Variants in SCN2A observed in about 807,000 individuals in gnomAD.
SCN2A encodes the protein sodium channel protein type 2 subunit alpha.
In SCN2A, 20 loss-of-function variants were observed where a neutral mutation model predicts 188.7. That is an observed-to-expected ratio of 0.11 (90% CI 0.07 to 0.15). The LOEUF (loss-of-function observed/expected upper bound fraction) is 0.15. Ranked by LOEUF, SCN2A falls within the 10% of genes least tolerant of loss-of-function variation. SCN2A has a pLI of 1.00. For synonymous variants in SCN2A, 804 were observed against 833.1 expected (o/e 0.97, Z 0.60); for missense variants, 1,278 against 2,445.0 (o/e 0.52, Z 10.07).
intron 13 of SCN2A, among the ~76,000 whole-genome samples, chr2:165,329,917 G>C (rs1169555802): frequency 6.6e-6 from 1 of 152,096 alleles, no homozygotes; most frequent in Admixed American, 6.6e-5. Flanking sequence ...GGCACTTGAA[G>C]AATTTCAATA....
Position 165,389,652 on chromosome 2 carries a change from C to A in SCN2A, c.5846C>A (p.Thr1949Asn). The change falls in exon 27 of 27, where the codon ACT becomes AAT. Residue 1949 changes from threonine to asparagine, a missense_variant. This residue lies in a region of SCN2A where 109 missense variants were observed against 137.9 expected (regional missense o/e 0.79). Coordinates refer to ENST00000375437, the MANE Select transcript of SCN2A (RefSeq NM_001040142.2). The surrounding 1 kb of genome is among the most constrained non-coding windows in gnomAD (Gnocchi z 4.2). ...ECDGTPIKED[T>N]LIDKLNENST... ...GATGGAACACCCATCAAAGAAGATA[C>A]TCTCATTGATAAACTGAATGAGAAT... 1 of 1,613,354 alleles carries A rather than the reference C, an allele frequency of 6.2e-7. No homozygotes were observed. Among genetic ancestry groups the A allele is most frequent in the Non-Finnish European group, 8.5e-7 (1 of 1,179,378 alleles).
chr2:165,322,625 T>C (rs959112130), intron 11 of SCN2A, among the ~76,000 whole-genome samples: 1 of 152,158 alleles, frequency 6.6e-6, no homozygotes, highest in Non-Finnish European at 1.5e-5. Context: ...GTGGAGAAGC[T>C]GCCCCGTGTA....
chr2:165,323,243 A>G lies in SCN2A; in HGVS notation c.1759A>G (p.Ile587Val), dbSNP rs148275498. The change falls in exon 12 of 27, where the codon ATT becomes GTT. Residue 587 changes from isoleucine to valine, a missense_variant. Transcript: ENST00000375437. ...CAGCTTCAGAGGTCGAGCAAAGGAC[A>G]TTGGCTCTGAGAATGACTTTGCTGA... ...LFSFRGRAKD[I>V]GSENDFADDE... 1 of 1,614,192 alleles carries G rather than the reference A, an allele frequency of 6.2e-7. No homozygotes were observed. The highest frequency in any genetic ancestry group is 8.5e-7 in the Non-Finnish European group (1 of 1,180,040).
intron 16 of SCN2A, among the ~76,000 whole-genome samples, chr2:165,352,396 G>C (rs929422540): frequency 6.6e-6 from 1 of 151,974 alleles, no homozygotes; most frequent in Non-Finnish European, 1.5e-5. Context: ...AATCACCATT[G>C]GTTAGACTAA....
intron 25 of SCN2A, among the ~76,000 whole-genome samples, chr2:165,382,679 G>C (rs959278751): frequency 1.3e-5 from 2 of 152,106 alleles, no homozygotes; most frequent in African/African-American, 2.4e-5. Flanking sequence ...ATATAAGCTA[G>C]TTGATATTTT....
intron 15 of SCN2A, 150 bp downstream of exon 15, chr2:165,342,619 TTTC>T (rs1484388503): frequency 1.4e-5 from 11 of 809,710 alleles, no homozygotes; most frequent in Non-Finnish European, 2.3e-5. Flanking sequence ...CAAATGGTAG[TTTC>T]TTCTTCATCA....
In SCN2A at chr2:165,328,975, T is replaced by C. The variant is rs59613873; in HGVS notation, c.2149+1991T>C. On this transcript the variant is annotated intron_variant, in intron 13 of 26. Coordinates refer to ENST00000375437, the MANE Select transcript of SCN2A (RefSeq NM_001040142.2). ...CACATACATGCATACTCAAGCAGAC[T>C]TAAGATAGTCCTTTTTTTTTTTTTT... is the stretch of plus-strand genomic sequence containing the variant. Among the ~76,000 whole-genome samples the C allele has an allele frequency of 2.4e-3, 364 of 150,182 alleles. 1 individual carries two copies. Among genetic ancestry groups the C allele is most frequent in the African/African-American group, 8.3e-3 (343 of 41,136 alleles).
intron 25 of SCN2A, among the ~76,000 whole-genome samples, chr2:165,382,106 A>C (rs1030156537): frequency 1.3e-5 from 2 of 152,098 alleles, no homozygotes; most frequent in Non-Finnish European, 2.9e-5. Flanking sequence ...GAATGAATAG[A>C]GAGAGAAGCA....
chr2:165,302,701 C>G (rs1696885076), intron 3 of SCN2A, among the ~76,000 whole-genome samples: 1 of 152,094 alleles, frequency 6.6e-6, no homozygotes, highest in South Asian at 2.1e-4. Flanking sequence ...GCCCACATGG[C>G]TGGTAAGGGA....
intron 1 of SCN2A, among the ~76,000 whole-genome samples, chr2:165,290,143 C>T (rs186605172): frequency 1.3e-4 from 20 of 152,218 alleles, no homozygotes; most frequent in Admixed American, 1.0e-3. Context: ...TATTTCAATA[C>T]ATATAACATA....
chr2:165,303,124 A>G lies in SCN2A; in HGVS notation c.387-4724A>G, dbSNP rs938212628. On this transcript the variant is annotated intron_variant, in intron 3 of 26. Coordinates refer to ENST00000375437, the MANE Select transcript of SCN2A (RefSeq NM_001040142.2). ...TTGGATTACACATTTAAAAAATAAT[A>G]TAGGATGTATGCATTTTGCTACTAG... is the stretch of plus-strand genomic sequence containing the variant. Among the ~76,000 whole-genome samples, 3 of 152,150 alleles carry G rather than the reference A, an allele frequency of 2.0e-5. No homozygotes were observed. In the East Asian group the frequency reaches 5.8e-4, roughly 29 times the overall value.
At chr2:165,266,052 T>G (rs1237367460) in intron 1 of SCN2A, among the ~76,000 whole-genome samples, 2 of 152,172 alleles carry the variant, frequency 1.3e-5, no homozygotes, top group East Asian at 3.9e-4. Context: ...AGAATATGAT[T>G]TTGAACTTTT....
In SCN2A at chr2:165,279,395, ATAAT is replaced by A. The variant is rs137988096; in HGVS notation, c.-51-16373_-51-16370del. On this transcript the variant is annotated intron_variant, in intron 1 of 26. Transcript: ENST00000375437. ...GAAGTGGAGAGATTGGGAACAGAAA[ATAAT>A]TAATCTTTGGTTGAACATCATCAAA... is the stretch of plus-strand genomic sequence containing the variant. Among the ~76,000 whole-genome samples the A allele has an allele frequency of 6.9e-3, 1,049 of 152,326 alleles. 23 individuals are homozygous for A. The highest frequency in any genetic ancestry group is 0.024 in the African/African-American group (1,008 of 41,572).
At chr2:165,265,993 A>T (rs1405937675) in intron 1 of SCN2A, among the ~76,000 whole-genome samples, 2 of 151,580 alleles carry the variant, frequency 1.3e-5, no homozygotes, top group Non-Finnish European at 2.9e-5. Flanking sequence ...GCTCTTTATT[A>T]CATTTCTGTT....
At chr2:165,266,900 A>G (rs1282033880) in intron 1 of SCN2A, 1 of 152,128 alleles carries the variant, frequency 6.6e-6, no homozygotes, top group Non-Finnish European at 1.5e-5. Context: ...AGAAGTCAAG[A>G]CAACAATATC....
intron 1 of SCN2A, among the ~76,000 whole-genome samples, chr2:165,264,221 C>A (rs189806820): frequency 3.3e-5 from 5 of 151,938 alleles, no homozygotes; most frequent in Non-Finnish European, 5.9e-5. Flanking sequence ...CTGCACTAAC[C>A]AAATCCCACA....
intron 1 of SCN2A, among the ~76,000 whole-genome samples, chr2:165,260,191 C>A (rs1269628152): frequency 6.6e-6 from 1 of 152,084 alleles, no homozygotes; most frequent in Non-Finnish European, 1.5e-5. Context: ...GATCCGCCTG[C>A]CTCGGCCTCC....
At chr2:165,338,954 C>A (rs572989360) in intron 14 of SCN2A, among the ~76,000 whole-genome samples, 5 of 152,260 alleles carry the variant, frequency 3.3e-5, no homozygotes, top group African/African-American at 1.2e-4. Flanking sequence ...GGCGTGGAGG[C>A]TCACGCCTGT....
intron 16 of SCN2A, among the ~76,000 whole-genome samples, chr2:165,351,470 G>A (rs894600461): frequency 2.0e-5 from 3 of 151,732 alleles, no homozygotes; most frequent in African/African-American, 7.3e-5. Context: ...TATGGTAGCA[G>A]TTCAAAGAAA....
Sources: allele counts gnomAD v4.1 joint callset (sites outside exome capture counted in the v4.1 genomes callset), GRCh38; gene constraint gnomAD v4.1.1; regional missense constraint gnomAD v4.1.1; non-coding constraint Gnocchi (gnomAD v3.1); transcripts MANE v1.5; gene names NCBI Gene and HGNC (gene_info 2026-07-23, HGNC 2026-07-21).